The following STYX variants were observed in gnomAD, a reference collection of about 807,000 sequenced individuals.
STYX encodes the protein serine/threonine/tyrosine interacting protein.
In STYX, 20 loss-of-function variants were observed where a neutral mutation model predicts 42.7. That is an observed-to-expected ratio of 0.47 (90% CI 0.33 to 0.68). The LOEUF is 0.68. Among genes scored for constraint, STYX ranks in the 30% least tolerant of loss-of-function variants. The pLI is 0.02. For missense variants in STYX, 226 were observed against 268.5 expected (o/e 0.84, Z 1.11); for synonymous variants, 78 against 81.9 (o/e 0.95, Z 0.26).
intron 1 of STYX, chr14:52,731,768 T>G (rs755527827): frequency 3.3e-5 from 5 of 152,132 alleles, no homozygotes; most frequent in South Asian, 2.1e-4. Flanking sequence ...GGCTCTCTTG[T>G]GGTATTGATG....
At chr14:52,744,538 G>C (rs1444727165) in intron 1 of STYX, among the ~76,000 whole-genome samples, 3 of 152,300 alleles carry the variant, frequency 2.0e-5, no homozygotes, top group Admixed American at 1.3e-4. Flanking sequence ...TGGCATCTCT[G>C]ACTTAGAAGA....
chr14:52,769,442 T>C (rs537420689), intron 10 of STYX, among the ~76,000 whole-genome samples: 3 of 152,272 alleles, frequency 2.0e-5, no homozygotes, highest in Admixed American at 2.0e-4. Flanking sequence ...TTTCCAGTTT[T>C]TCCTACCCTG....
chr14:52,755,910 G>A (rs1278331905), intron 4 of STYX, among the ~76,000 whole-genome samples: 5 of 152,026 alleles, frequency 3.3e-5, no homozygotes, highest in African/African-American at 1.2e-4. Flanking sequence ...ATAACATAAC[G>A]ATTACAGGTA....
chr14:52,773,327 A>ATATATG lies in STYX; in HGVS notation c.*2225_*2226insTGTATA, dbSNP rs1310830112. The stretch of plus-strand genomic sequence containing the variant: ...GAGTACTCTGTGTGTATATATATAT[A>ATATATG]TATAGATAGATAGATTTTTTTTTTT... On this transcript the variant is annotated 3_prime_UTR_variant, in exon 11 of 11. Transcript: ENST00000354586. 4.4e-5 allele frequency: 5 copies of ATATATG among 113,552 alleles called. No individual in the cohort carries two copies. The highest frequency in any genetic ancestry group is 9.3e-5 in the Non-Finnish European group (5 of 53,978). The allele number at this position is 113,552 out of a possible 1,614,324, so 7.0% of individuals were successfully genotyped here. A position where few individuals can be genotyped will look rare whatever the true frequency, so the allele number is the denominator to read the frequency against.
rs1882575622 is a variant in STYX, at chr14:52,773,050, A to G, written c.*1944A>G. ...GTGTAATAATAATCTATGATGCTTC[A>G]TTTAGCAGAAACTCTGCTTAAAAGA... On this transcript the variant is annotated 3_prime_UTR_variant, in exon 11 of 11. Transcript: ENST00000354586. The G allele has an allele frequency of 2.0e-5, 3 of 152,140 alleles. No homozygotes were observed. The allele number at this position is 152,140 out of a possible 1,614,324, so 9.4% of individuals were successfully genotyped here.
intron 2 of STYX, among the ~76,000 whole-genome samples, chr14:52,745,512 CTGTT>C (rs1247051758): frequency 6.6e-6 from 1 of 152,144 alleles, no homozygotes; most frequent in African/African-American, 2.4e-5. Flanking sequence ...TTTGCTTTCT[CTGTT>C]TGTCTAGATA....
Position 52,771,130 on chromosome 14 carries a change from G to T in STYX, c.*24G>T, listed in dbSNP as rs202054618. The T allele has an allele frequency of 2.7e-4, 428 of 1,569,276 alleles. 1 individual carries two copies. Among genetic ancestry groups the T allele is most frequent in the Non-Finnish European group, 3.1e-4 (355 of 1,154,514 alleles). ...GACTTGAAGAGCAACATCATAGAGT[G>T]TGAATTTCTATTTGGGAAGGAGAAA... On this transcript the variant is annotated 3_prime_UTR_variant, in exon 11 of 11. Transcript: ENST00000354586.
At chr14:52,740,516 C>T (rs952410407) in intron 1 of STYX, among the ~76,000 whole-genome samples, 1 of 152,216 alleles carries the variant, frequency 6.6e-6, no homozygotes, top group Non-Finnish European at 1.5e-5. Context: ...GATCCAAAAT[C>T]AAGTTACTTA....
intron 1 of STYX, among the ~76,000 whole-genome samples, chr14:52,732,335 C>T (rs1199176797): frequency 1.3e-4 from 18 of 142,816 alleles, no homozygotes; most frequent in Middle Eastern, 4.0e-3. Flanking sequence ...TGCAGTGGTG[C>T]GATCTGGGCT....
intron 1 of STYX, among the ~76,000 whole-genome samples, chr14:52,744,628 A>G (rs985222365): frequency 2.6e-5 from 4 of 151,906 alleles, no homozygotes; most frequent in African/African-American, 9.6e-5. Flanking sequence ...ATGAAGTAAC[A>G]TAACAATTCT....
In STYX at chr14:52,768,247, A is replaced by G. The variant is rs146408960; in HGVS notation, c.505-593A>G. 2.6e-3 allele frequency among the ~76,000 whole-genome samples: 392 copies of G among 152,292 alleles called. 4 individuals are homozygous for G. The highest frequency in any genetic ancestry group is 3.7e-3 in the Non-Finnish European group (250 of 68,030). On this transcript the variant is annotated intron_variant, in intron 9 of 10. Coordinates refer to ENST00000354586, the MANE Select transcript of STYX (RefSeq NM_145251.4). ...ATGCATAAAATGTAAATAAACATCC[A>G]TGTAACTATTGCCGAAGTATGGAAA... is the stretch of plus-strand genomic sequence containing the variant.
At chr14:52,753,455 G>A (rs1236858776) in intron 4 of STYX, among the ~76,000 whole-genome samples, 1 of 152,102 alleles carries the variant, frequency 6.6e-6, no homozygotes, top group East Asian at 1.9e-4. Context: ...AAAGCACTGG[G>A]ATTTACAGGC....
chr14:52,745,526 A>G (rs1264350234), intron 2 of STYX, among the ~76,000 whole-genome samples: 1 of 152,166 alleles, frequency 6.6e-6, no homozygotes, highest in African/African-American at 2.4e-5. Context: ...TTGTCTAGAT[A>G]AGTTAGGGAG....
chr14:52,764,544 T>C (rs1882225224), intron 9 of STYX, among the ~76,000 whole-genome samples: 1 of 152,184 alleles, frequency 6.6e-6, no homozygotes, highest in South Asian at 2.1e-4. Flanking sequence ...TATCTATTAT[T>C]ATTTCATATT....
At chr14:52,769,434 T>G (rs1882431503) in intron 10 of STYX, among the ~76,000 whole-genome samples, 1 of 152,164 alleles carries the variant, frequency 6.6e-6, no homozygotes. Context: ...TTACTTTATT[T>G]CCAGTTTTTC....
rs1355636786 is a variant in STYX at position 52,757,301 on chromosome 14, CAT to C, written c.304-17_304-16del. On this transcript the variant is annotated splice_polypyrimidine_tract_variant and intron_variant, in intron 5 of 10. Transcript: ENST00000354586. The stretch of plus-strand genomic sequence containing the variant: ...TTTATTTTATGCTTACATTAATCCA[CAT>C]GTCTTTTGCCTCCAGACTAAGGAAT... 5 of 1,596,348 alleles carry C rather than the reference CAT, an allele frequency of 3.1e-6. No homozygotes were observed. Among genetic ancestry groups the C allele is most frequent in the Non-Finnish European group, 4.3e-6 (5 of 1,169,072 alleles).
At chr14:52,746,886 T>C (rs1881415633) in intron 3 of STYX, among the ~76,000 whole-genome samples, 1 of 152,204 alleles carries the variant, frequency 6.6e-6, no homozygotes, top group Non-Finnish European at 1.5e-5. Flanking sequence ...TGTGTGTTAA[T>C]TGAAAGTCAT....
chr14:52,738,656 ATTACT>A (rs1049136800), intron 1 of STYX, among the ~76,000 whole-genome samples: 2 of 152,220 alleles, frequency 1.3e-5, no homozygotes, highest in Non-Finnish European at 2.9e-5. Context: ...TGATATATTG[ATTACT>A]TTAAGTTGGA....
intron 1 of STYX, among the ~76,000 whole-genome samples, chr14:52,744,035 G>C (rs1045739015): frequency 7.2e-5 from 11 of 152,136 alleles, no homozygotes; most frequent in African/African-American, 2.7e-4. Flanking sequence ...TGTTTCCCAG[G>C]CTGGTCTCAA....
Sources: gnomAD v4.1 joint callset for allele counts (sites outside exome capture counted in the v4.1 genomes callset) on GRCh38, gnomAD v4.1.1 for gene constraint, MANE v1.5 for transcripts, NCBI Gene and HGNC (gene_info 2026-07-23, HGNC 2026-07-21) for gene names.